Variants in BCKDHB observed in about 807,000 individuals in gnomAD.
BCKDHB encodes the protein 2-oxoisovalerate dehydrogenase subunit beta, mitochondrial.
In BCKDHB, 41 loss-of-function variants were observed where a neutral mutation model predicts 48.5. That is an observed-to-expected ratio of 0.85 (90% CI 0.66 to 1.10). The LOEUF (loss-of-function observed/expected upper bound fraction) is 1.10. Among genes scored for constraint, BCKDHB ranks in the 50% least tolerant of loss-of-function variants. The pLI is 0.00. For synonymous variants in BCKDHB, 201 were observed against 174.8 expected, an observed-to-expected ratio of 1.15 and a Z score of -1.18; for missense variants, 496 against 494.2, an observed-to-expected ratio of 1.00 and a Z score of -0.03.
chr6:80,248,176 T>C (rs981373418), intron 8 of BCKDHB, among the ~76,000 whole-genome samples: 1 of 152,224 alleles, frequency 6.6e-6, no homozygotes, highest in Admixed American at 6.5e-5. Context: ...AGCTTGATTT[T>C]TAATTGAAGC....
In BCKDHB at chr6:80,171,344, A is replaced by C; in HGVS notation, c.696A>C (p.Lys232Asn). 1 of 1,608,230 alleles carries C rather than the reference A, an allele frequency of 6.2e-7. No homozygotes were observed. Among genetic ancestry groups the C allele is most frequent in the Non-Finnish European group, 8.5e-7 (1 of 1,177,756 alleles). Residue 232 changes from lysine (K) to asparagine (N), a missense_variant, in exon 6 of 10, where the codon AAA becomes AAC. Coordinates refer to ENST00000320393, the MANE Select transcript of BCKDHB (RefSeq NM_183050.4). ...TTCTTTTGTCATGCATAGAGGATAAAAATCCTTGTATATTTTTTGAACCTA... is the reference window on the plus strand; with the variant it reads ...TTCTTTTGTCATGCATAGAGGATAACAATCCTTGTATATTTTTTGAACCTA... ...KGLLLSCIED[K>N]NPCIFFEPKI...
At chr6:80,336,113 T>G (rs1018006123) in intron 9 of BCKDHB, among the ~76,000 whole-genome samples, 1 of 151,970 alleles carries the variant, frequency 6.6e-6, no homozygotes, top group Non-Finnish European at 1.5e-5. Context: ...GTAATTCATA[T>G]TCTTAAAATT....
intron 9 of BCKDHB, among the ~76,000 whole-genome samples, chr6:80,276,850 G>T (rs775551825): frequency 1.3e-4 from 19 of 151,728 alleles, no homozygotes; most frequent in African/African-American, 2.4e-4. Flanking sequence ...CATATATATA[G>T]AGAGAAATAA....
intron 9 of BCKDHB, among the ~76,000 whole-genome samples, chr6:80,286,909 T>G (rs666032): frequency 0.8 from 121,281 of 151,996 alleles, 48,560 homozygotes; most frequent in Admixed American, 0.87. Flanking sequence ...ATTTGCATTG[T>G]TGTTCATCAG....
intron 6 of BCKDHB, among the ~76,000 whole-genome samples, chr6:80,189,188 C>T (rs1773782753): frequency 6.6e-6 from 1 of 152,100 alleles, no homozygotes; most frequent in African/African-American, 2.4e-5. Flanking sequence ...TAAACTTCAC[C>T]TTTTATACAC....
Position 80,137,377 on chromosome 6 carries a change from A to G in BCKDHB, c.343+8148A>G, listed in dbSNP as rs867894152. ...AAGAATTTCTCAGCCTGTCAGCACTATTTATTTATTTCTCTATTTATTTGT... is the reference window on the plus strand; with the variant it reads ...AAGAATTTCTCAGCCTGTCAGCACTGTTTATTTATTTCTCTATTTATTTGT... On this transcript the variant is annotated intron_variant, in intron 3 of 9. Coordinates refer to ENST00000320393, the MANE Select transcript of BCKDHB (RefSeq NM_183050.4). Among the ~76,000 whole-genome samples, 62 of 152,184 alleles carry G rather than the reference A, an allele frequency of 4.1e-4. No homozygotes were observed. In the Middle Eastern group the frequency reaches 0.01, roughly 25 times the overall value.
intron 8 of BCKDHB, among the ~76,000 whole-genome samples, chr6:80,231,438 AAC>A (rs1186668182): frequency 1.3e-5 from 2 of 152,230 alleles, no homozygotes; most frequent in African/African-American, 2.4e-5. Context: ...AAATATTTGC[AAC>A]ACATATAACA....
At chr6:80,359,648 G>T in the BCKDHB span, among the ~76,000 whole-genome samples, 12 of 152,198 alleles carry the variant, frequency 7.9e-5, no homozygotes, top group South Asian at 2.1e-4. Context: ...AGGCTGGAGT[G>T]CAGTGGCGCT....
chr6:80,299,273 A>G (rs1347192478), intron 9 of BCKDHB, among the ~76,000 whole-genome samples: 1 of 152,084 alleles, frequency 6.6e-6, no homozygotes. Context: ...CACTTACCCA[A>G]AAGTCAGCCA....
At chr6:80,159,189 T>C (rs1772195899) in intron 3 of BCKDHB, among the ~76,000 whole-genome samples, 1 of 152,112 alleles carries the variant, frequency 6.6e-6, no homozygotes, top group Admixed American at 6.5e-5. Context: ...ATACCTAATG[T>C]AAATGATGAG....
rs1284150497 is a variant in BCKDHB, at chr6:80,149,631, T to A, written c.344-18047T>A. Among the ~76,000 whole-genome samples the A allele has an allele frequency of 6.6e-5, 10 of 151,264 alleles. 1 individual carries two copies. Among genetic ancestry groups the A allele is most frequent in the Admixed American group, 3.3e-4 (5 of 15,162 alleles). ...AAGAAAATGTGGCACATATACACCATGGAATACTATGCAGCCATAAAAAAT... is the reference window on the plus strand; with the variant it reads ...AAGAAAATGTGGCACATATACACCAAGGAATACTATGCAGCCATAAAAAAT... On this transcript the variant is annotated intron_variant, in intron 3 of 9. Transcript: ENST00000320393.
intron 3 of BCKDHB, among the ~76,000 whole-genome samples, chr6:80,143,486 A>G (rs1418795869): frequency 6.6e-6 from 1 of 152,170 alleles, no homozygotes; most frequent in Non-Finnish European, 1.5e-5. Flanking sequence ...TATTAATGTC[A>G]TTTGCCAGAT....
chr6:80,189,311 T>C (rs1773788626), intron 6 of BCKDHB, among the ~76,000 whole-genome samples: 1 of 152,202 alleles, frequency 6.6e-6, no homozygotes, highest in African/African-American at 2.4e-5. Context: ...AGGTTAAAAA[T>C]TTACTGTGTG....
At chr6:80,395,892 G>A in the BCKDHB span, among the ~76,000 whole-genome samples, 2 of 152,216 alleles carry the variant, frequency 1.3e-5, no homozygotes, top group Non-Finnish European at 2.9e-5. Context: ...AAAGGGGCCA[G>A]CATACAGCTC....
rs988697085 is a variant in BCKDHB at position 80,140,958 on chromosome 6, G to A, written c.343+11729G>A. Among the ~76,000 whole-genome samples the A allele has an allele frequency of 1.8e-3, 267 of 152,142 alleles. 1 individual carries two copies. Among genetic ancestry groups the A allele is most frequent in the African/African-American group, 6.0e-3 (251 of 41,524 alleles). ...CTGGACTCTTTTTGGTTGATAAGCT[G>A]TTGATTATTGCCACAATTTCAGCTC... On this transcript the variant is annotated intron_variant, in intron 3 of 9. Transcript: ENST00000320393.
the BCKDHB span, among the ~76,000 whole-genome samples, chr6:80,456,837 T>G: frequency 3.3e-5 from 5 of 152,204 alleles, no homozygotes; most frequent in African/African-American, 4.8e-5. Flanking sequence ...TACATGTGTT[T>G]CAGAGAAAAA....
intron 9 of BCKDHB, among the ~76,000 whole-genome samples, chr6:80,285,625 T>C (rs1766592441): frequency 6.6e-6 from 1 of 152,150 alleles, no homozygotes; most frequent in African/African-American, 2.4e-5. Flanking sequence ...TTCCGGGCAG[T>C]GTCCTCCATG....
At chr6:80,118,093 A>G (rs1051725491) in intron 1 of BCKDHB, among the ~76,000 whole-genome samples, 1 of 152,184 alleles carries the variant, frequency 6.6e-6, no homozygotes, top group African/African-American at 2.4e-5. Context: ...ACCCAAGACT[A>G]TTATCTTCTG....
chr6:80,156,556 G>A (rs1046435491), intron 3 of BCKDHB, among the ~76,000 whole-genome samples: 3 of 152,064 alleles, frequency 2.0e-5, no homozygotes, highest in Non-Finnish European at 4.4e-5. Flanking sequence ...ATTGAATAAG[G>A]CACACATATA....
Sources: gnomAD v4.1 joint callset for allele counts (sites outside exome capture counted in the v4.1 genomes callset) on GRCh38, gnomAD v4.1.1 for gene constraint, MANE v1.5 for transcripts, NCBI Gene and HGNC (gene_info 2026-07-23, HGNC 2026-07-21) for gene names.